PDE10A: variants seen among roughly 807,000 people sequenced by gnomAD.
PDE10A encodes the protein cAMP and cAMP-inhibited cGMP 3',5'-cyclic phosphodiesterase 10A.
In PDE10A, 39 loss-of-function variants were observed where a neutral mutation model predicts 97.7. The ratio of observed to expected loss-of-function variants is 0.40; its 90% CI spans 0.31 to 0.52. PDE10A has a LOEUF of 0.52. PDE10A is among the 20% of genes least tolerant of loss of function. The pLI is 0.56. For missense variants in PDE10A, 731 were observed against 1,047.8 expected (o/e 0.70, Z 4.17); for synonymous variants, 371 against 376.8 (o/e 0.98, Z 0.18).
rs1791897855 is a variant in PDE10A, at chr6:165,711,633, A to G, written c.-614-168065T>C. ...GTGTCTTGGTAGGGTCAATGAGATGAAGGTAAGAGAAGAAACGAAGATGAA... is the reference window on the plus strand; with the variant it reads ...GTGTCTTGGTAGGGTCAATGAGATGGAGGTAAGAGAAGAAACGAAGATGAA... On this transcript the variant is annotated intron_variant, in intron 1 of 19. Transcript: ENST00000366882. The surrounding 1 kb of genome is among the most constrained non-coding windows in gnomAD (Gnocchi z 4.5). Among the ~76,000 whole-genome samples, 1 of 152,094 alleles carries G rather than the reference A, an allele frequency of 6.6e-6. No individual in the cohort carries two copies. The highest frequency in any genetic ancestry group is 2.1e-4 in the South Asian group (1 of 4,820).
In PDE10A at chr6:165,594,324, G is replaced by GT. The variant is rs553828234; in HGVS notation, c.866-50757dup. ...GGTTAATAAAGACATATGAAATATA[G>GT]TAAGAAAATGTTTGAAAGAACGCAT... is the stretch of plus-strand genomic sequence containing the variant. On this transcript the variant is annotated intron_variant, in intron 1 of 21. Transcript: ENST00000539869. Among the ~76,000 whole-genome samples, 673 of 152,086 alleles carry GT rather than the reference G, an allele frequency of 4.4e-3. 4 individuals are homozygous for GT. Among genetic ancestry groups the GT allele is most frequent in the African/African-American group, 0.016 (652 of 41,344 alleles).
At position 165,401,799 on chromosome 6, in the gene PDE10A, T is replaced by C. The variant is rs565849724; in HGVS notation, c.2077-5340A>G. Among the ~76,000 whole-genome samples the C allele has an allele frequency of 1.0e-3, 153 of 152,316 alleles. No homozygotes were observed. The South Asian group carries it at 0.031, about 31-fold the overall frequency. The stretch of plus-strand genomic sequence containing the variant: ...GAACTTTCTGAAAGCTCCATCCATG[T>C]ATTAACAATCAATAAAAAATTATTT... On this transcript the variant is annotated intron_variant, in intron 13 of 21. Transcript: ENST00000539869.
At chr6:165,904,376 A>G (rs1031935913) in intron 1 of PDE10A, among the ~76,000 whole-genome samples, 3 of 152,174 alleles carry the variant, frequency 2.0e-5, no homozygotes, top group Non-Finnish European at 2.9e-5. Flanking sequence ...AGTCTCTATG[A>G]TTGATCTTAT....
chr6:165,486,623 G>T (rs992822886), intron 2 of PDE10A, among the ~76,000 whole-genome samples: 4 of 152,196 alleles, frequency 2.6e-5, no homozygotes, highest in African/African-American at 2.4e-5. Flanking sequence ...GGAGATGGAC[G>T]CAGAGCACAC....
intron 1 of PDE10A, among the ~76,000 whole-genome samples, chr6:165,810,198 G>C (rs909486161): frequency 6.6e-6 from 1 of 152,174 alleles, no homozygotes; most frequent in South Asian, 2.1e-4. Flanking sequence ...CATTCTGGCC[G>C]GGGAGGAGAG....
At chr6:165,385,852 AT>A (rs1463107651) in intron 17 of PDE10A, among the ~76,000 whole-genome samples, 2 of 152,182 alleles carry the variant, frequency 1.3e-5, no homozygotes. Context: ...GAACATATAA[AT>A]TTGTTTTCAA....
intron 18 of PDE10A, among the ~76,000 whole-genome samples, chr6:165,370,449 C>T (rs1426398943): frequency 2.0e-5 from 3 of 149,686 alleles, no homozygotes; most frequent in African/African-American, 7.5e-5. Context: ...ATAAAACAGA[C>T]TTTAAACCAA....
At chr6:165,829,810 C>T (rs1779859399) in intron 1 of PDE10A, among the ~76,000 whole-genome samples, 1 of 152,180 alleles carries the variant, frequency 6.6e-6, no homozygotes, top group African/African-American at 2.4e-5. Flanking sequence ...GGAAAGATGT[C>T]CCTTATCAGA....
chr6:165,680,632 G>T (rs1019849488), intron 1 of PDE10A, among the ~76,000 whole-genome samples: 1 of 152,138 alleles, frequency 6.6e-6, no homozygotes, highest in Non-Finnish European at 1.5e-5. Context: ...AGCCAGGAGC[G>T]GGGGCTCAGG....
rs1465934570 is a variant in PDE10A, at chr6:165,368,059, G to A, written c.2783+11135C>T. 3.0e-4 allele frequency among the ~76,000 whole-genome samples: 46 copies of A among 152,156 alleles called. 2 individuals are homozygous for A. Among genetic ancestry groups the A allele is most frequent in the Admixed American group, 3.0e-3 (46 of 15,274 alleles). ...AGCCCAGACTGGAGTGCAGTGGCAT[G>A]GTCTTGGCTCACTGCTACCTCTACC... On this transcript the variant is annotated intron_variant, in intron 18 of 21. Coordinates refer to ENST00000539869, the MANE Select transcript of PDE10A (RefSeq NM_001385079.1).
In PDE10A at chr6:165,839,358, C is replaced by T. The variant is rs571613983; in HGVS notation, c.-615+148171G>A. On this transcript the variant is annotated intron_variant, in intron 1 of 19. Transcript: ENST00000366882. ...CAAACTTTTAATGAGAAATTGACTA[C>T]AGTTGTAAATTTTCCCTTCAACAAG... Among the ~76,000 whole-genome samples the T allele has an allele frequency of 5.9e-5, 9 of 152,340 alleles. No individual in the cohort carries two copies. In the East Asian group the frequency reaches 1.7e-3, roughly 29 times the overall value.
intron 4 of PDE10A, among the ~76,000 whole-genome samples, chr6:165,449,693 T>C (rs1392078550): frequency 6.6e-6 from 1 of 152,162 alleles, no homozygotes; most frequent in Non-Finnish European, 1.5e-5. Flanking sequence ...ACAAAATAAA[T>C]GTTATTATGG....
At chr6:165,643,669 C>T (rs975913851) in intron 1 of PDE10A, among the ~76,000 whole-genome samples, 6 of 152,134 alleles carry the variant, frequency 3.9e-5, no homozygotes, top group Non-Finnish European at 5.9e-5. Flanking sequence ...GAGAACAGAA[C>T]GGTGGTCACC....
At chr6:165,688,951 G>C (rs1791197340) in intron 1 of PDE10A, among the ~76,000 whole-genome samples, 1 of 152,106 alleles carries the variant, frequency 6.6e-6, no homozygotes, top group Non-Finnish European at 1.5e-5. Context: ...TTTATTTCAA[G>C]TCATATAAAT....
At chr6:165,848,315 C>T (rs888417772) in intron 1 of PDE10A, among the ~76,000 whole-genome samples, 7 of 152,146 alleles carry the variant, frequency 4.6e-5, no homozygotes, top group Non-Finnish European at 8.8e-5. Context: ...GGGAGTCAGT[C>T]ACCAGAGGGT....
intron 1 of PDE10A, among the ~76,000 whole-genome samples, chr6:165,684,564 T>C (rs1426880225): frequency 2.6e-5 from 4 of 152,218 alleles, no homozygotes; most frequent in African/African-American, 4.8e-5. Flanking sequence ...ACACGACCCA[T>C]TATTTATGAG....
At chr6:165,401,939 A>C (rs1346416582) in intron 13 of PDE10A, among the ~76,000 whole-genome samples, 1 of 152,222 alleles carries the variant, frequency 6.6e-6, no homozygotes, top group African/African-American at 2.4e-5. Flanking sequence ...TTCTGCTAGG[A>C]AAGTGAACAA....
chr6:165,557,525 C>T (rs1784315257), intron 1 of PDE10A, among the ~76,000 whole-genome samples: 1 of 152,084 alleles, frequency 6.6e-6, no homozygotes, highest in Admixed American at 6.5e-5. Context: ...TTCCTTTCCA[C>T]TTATCAAAAT....
chr6:165,771,006 C>T (rs4709983), intron 1 of PDE10A, among the ~76,000 whole-genome samples: 78,329 of 151,996 alleles, frequency 0.52, 22,034 homozygotes, highest in South Asian at 0.73. Flanking sequence ...GAGCTCCATC[C>T]CTCTTTGCCC....
Sources: gnomAD v4.1 joint callset for allele counts (sites outside exome capture counted in the v4.1 genomes callset) on GRCh38, gnomAD v4.1.1 for gene constraint, Gnocchi (gnomAD v3.1) non-coding constraint, MANE v1.5 for transcripts, NCBI Gene and HGNC (gene_info 2026-07-23, HGNC 2026-07-21) for gene names.